RELN: variants seen among roughly 807,000 people sequenced by gnomAD.
The protein encoded by RELN is reelin.
RELN carries 108 observed loss-of-function variants against 427.6 expected under a neutral mutation model. The observed-to-expected ratio is 0.25, with a 90% CI of 0.22 to 0.30. The LOEUF (loss-of-function observed/expected upper bound fraction) is 0.30. Among genes scored for constraint, RELN ranks in the 10% least tolerant of loss-of-function variants. RELN has a pLI of 1.00. For missense variants in RELN, 3,715 were observed against 4,302.8 expected (o/e 0.86, Z 3.82); for synonymous variants, 1,524 against 1,513.4 (o/e 1.01, Z -0.16).
rs1475045934 is a variant in RELN, at chr7:103,918,615, A to G, written c.227-1430T>C. ...ATATCTCGAGTGTCTAGAATAATTT[A>G]TGGTACTCTTAGGTGCTCAATATTT... On this transcript the variant is annotated intron_variant, in intron 1 of 64. Coordinates refer to ENST00000428762, the MANE Select transcript of RELN (RefSeq NM_005045.4). Among the ~76,000 whole-genome samples the G allele has an allele frequency of 2.6e-5, 4 of 152,154 alleles. No individual in the cohort carries two copies. The East Asian group carries it at 5.8e-4, about 22-fold the overall frequency.
chr7:103,646,439 A>G (rs1832798708), intron 16 of RELN, among the ~76,000 whole-genome samples: 1 of 151,850 alleles, frequency 6.6e-6, no homozygotes, highest in Non-Finnish European at 1.5e-5. Context: ...AAAAGGAGAC[A>G]TTACAACTGC....
intron 4 of RELN, among the ~76,000 whole-genome samples, chr7:103,757,544 G>A (rs1345267554): frequency 2.0e-5 from 3 of 152,120 alleles, no homozygotes; most frequent in Admixed American, 1.3e-4. Flanking sequence ...CTTAAACTAG[G>A]GAGTTTTGGT....
At chr7:103,655,598 T>C (rs1164665744) in intron 12 of RELN, among the ~76,000 whole-genome samples, 5 of 152,096 alleles carry the variant, frequency 3.3e-5, no homozygotes, top group Non-Finnish European at 7.4e-5. Flanking sequence ...TTGGGTCTGA[T>C]CTTGGGGAGA....
At chr7:103,753,513 T>G (rs1007513610) in intron 4 of RELN, among the ~76,000 whole-genome samples, 3 of 152,230 alleles carry the variant, frequency 2.0e-5, no homozygotes, top group African/African-American at 7.2e-5. Context: ...TACTTGCCAA[T>G]TATCCAATAA....
At chr7:103,719,618 C>A (rs1275785599) in intron 8 of RELN, among the ~76,000 whole-genome samples, 1 of 129,650 alleles carries the variant, frequency 7.7e-6, no homozygotes, top group Non-Finnish European at 1.6e-5. Flanking sequence ...GTGGTAGACA[C>A]AAGGTACTAC....
intron 6 of RELN, among the ~76,000 whole-genome samples, chr7:103,741,795 G>C (rs1032810172): frequency 1.1e-5 from 1 of 95,188 alleles, no homozygotes; most frequent in African/African-American, 7.0e-5. Context: ...GCTGCAAGAA[G>C]ATATTTGAGG....
intron 12 of RELN, 121 bp downstream of exon 12, chr7:103,661,255 A>G: frequency 9.2e-7 from 1 of 1,087,722 alleles, no homozygotes. Flanking sequence ...CTGTCTGGAG[A>G]GCTCACGTTT....
Position 103,909,800 on chromosome 7 carries a change from A to G in RELN, c.337+7275T>C, listed in dbSNP as rs1461070861. Among the ~76,000 whole-genome samples, 4 of 66,376 alleles carry G rather than the reference A, an allele frequency of 6.0e-5. No homozygotes were observed. In the South Asian group the frequency reaches 1.5e-3, roughly 25 times the overall value. The allele number at this position is 66,376 out of a possible 152,430, so 43.5% of individuals were successfully genotyped here. A position where few individuals can be genotyped will look rare whatever the true frequency, so the allele number is the denominator to read the frequency against. The stretch of plus-strand genomic sequence containing the variant: ...ATATAAATATATATATTAAATATAT[A>G]TTAATATATAATATTATATATAAAA... On this transcript the variant is annotated intron_variant, in intron 2 of 64. Transcript: ENST00000428762.
Position 103,523,498 on chromosome 7 carries a change from T to C in RELN, c.7383A>G (p.Pro2461=). The C allele has an allele frequency of 3.1e-6, 5 of 1,614,050 alleles. No individual in the cohort carries two copies. Among genetic ancestry groups the C allele is most frequent in the Non-Finnish European group, 3.4e-6 (4 of 1,180,012 alleles). Residue 2461 remains proline (P), a synonymous_variant, in exon 47 of 65, where the codon CCA becomes CCG. Coordinates refer to ENST00000428762, the MANE Select transcript of RELN (RefSeq NM_005045.4). Reference sequence around the variant, plus strand: ...ATGTCTGCTGCTTGTCAAAAGGAGCTGGTTGATGCCAACGGAAACGAGTGG... The same window carrying C: ...ATGTCTGCTGCTTGTCAAAAGGAGCCGGTTGATGCCAACGGAAACGAGTGG... ...SQATRFRWHQ[P]APFDKQQTWA...
At chr7:103,480,415 A>G (rs1363952190) in intron 63 of RELN, among the ~76,000 whole-genome samples, 1 of 152,184 alleles carries the variant, frequency 6.6e-6, no homozygotes, top group African/African-American at 2.4e-5. Flanking sequence ...AATTGAAGTA[A>G]TTATTTTGTA....
At position 103,639,037 on chromosome 7, in the gene RELN, A is replaced by G. The variant is rs148606391; in HGVS notation, c.2069+1506T>C. Among the ~76,000 whole-genome samples, 54 of 152,344 alleles carry G rather than the reference A, an allele frequency of 3.5e-4. No homozygotes were observed. The East Asian group carries it at 9.7e-3, about 27-fold the overall frequency. Reference sequence around the variant, plus strand: ...TTTTAGGACAACATCAGGATTTGCAAAACTATCTGGCCTCATGTTAATTTT... The same window carrying G: ...TTTTAGGACAACATCAGGATTTGCAGAACTATCTGGCCTCATGTTAATTTT... On this transcript the variant is annotated intron_variant, in intron 17 of 64. Transcript: ENST00000428762.
intron 1 of RELN, among the ~76,000 whole-genome samples, chr7:103,919,771 G>A (rs946871277): frequency 2.0e-5 from 3 of 152,154 alleles, no homozygotes; most frequent in African/African-American, 7.2e-5. Flanking sequence ...ACAACCTGGT[G>A]CCATCCAGGC....
At chr7:103,709,611 T>C (rs1287217977) in intron 8 of RELN, among the ~76,000 whole-genome samples, 2 of 152,168 alleles carry the variant, frequency 1.3e-5, no homozygotes, top group African/African-American at 2.4e-5. Context: ...CCCATGGTTA[T>C]GTGGGGAGTT....
chr7:103,724,621 T>C (rs1790159752), intron 7 of RELN, among the ~76,000 whole-genome samples: 2 of 152,166 alleles, frequency 1.3e-5, no homozygotes, highest in East Asian at 1.9e-4. Context: ...GCAAGTTGTG[T>C]GGAATATCGC....
intron 1 of RELN, among the ~76,000 whole-genome samples, chr7:103,979,491 A>G (rs918227238): frequency 2.0e-5 from 3 of 152,234 alleles, no homozygotes; most frequent in African/African-American, 4.8e-5. Flanking sequence ...TTCTCATTCA[A>G]ATTAGCTCAA....
At chr7:103,684,272 T>C (rs969527163) in intron 10 of RELN, among the ~76,000 whole-genome samples, 1 of 152,184 alleles carries the variant, frequency 6.6e-6, no homozygotes, top group African/African-American at 2.4e-5. Context: ...TTCATGTTAA[T>C]TCTGTTTTAG....
At chr7:103,490,256 T>C (rs1027669769) in intron 59 of RELN, among the ~76,000 whole-genome samples, 2 of 152,218 alleles carry the variant, frequency 1.3e-5, no homozygotes, top group African/African-American at 4.8e-5. Flanking sequence ...ATCCTGCAGC[T>C]TTGTGTAACC....
At chr7:103,958,266 A>G (rs1330339281) in intron 1 of RELN, among the ~76,000 whole-genome samples, 1 of 152,248 alleles carries the variant, frequency 6.6e-6, no homozygotes, top group Non-Finnish European at 1.5e-5. Context: ...ACCCAGTGAC[A>G]GCCATCGTTC....
chr7:103,841,782 A>C (rs1212454717), intron 2 of RELN, among the ~76,000 whole-genome samples: 1 of 152,174 alleles, frequency 6.6e-6, no homozygotes, highest in Admixed American at 6.6e-5. Flanking sequence ...TTTTATTACC[A>C]AAAATAACCC....
Sources: gnomAD v4.1 joint callset for allele counts (sites outside exome capture counted in the v4.1 genomes callset) on GRCh38, gnomAD v4.1.1 for gene constraint, MANE v1.5 for transcripts, NCBI Gene and HGNC (gene_info 2026-07-23, HGNC 2026-07-21) for gene names.